CNGB3: variants seen among roughly 807,000 people sequenced by gnomAD.
CNGB3 encodes cyclic nucleotide gated channel subunit beta 3.
Under a neutral mutation model 92.8 loss-of-function variants are expected in CNGB3, and 86 were observed. That is an observed-to-expected ratio of 0.93 (90% CI 0.78 to 1.11). CNGB3 has a LOEUF of 1.11. Ranked by LOEUF, CNGB3 falls within the 50% of genes least tolerant of loss-of-function variation. CNGB3 has a pLI of 0.00. For synonymous variants in CNGB3, 333 were observed against 332.7 expected, an observed-to-expected ratio of 1.00 and a Z score of -0.01; for missense variants, 1,026 against 956.8, an observed-to-expected ratio of 1.07 and a Z score of -0.95.
Position 86,678,707 on chromosome 8 carries a change from T to A in CNGB3, c.339-7609A>T, listed in dbSNP as rs574616489. ...TTCTATTGTCCCAAAAATGTAATGG[T>A]ACCTAACCCTGTTTAAAGTTAGTCA... On this transcript the variant is annotated intron_variant, in intron 3 of 17. Coordinates refer to ENST00000320005, the MANE Select transcript of CNGB3 (RefSeq NM_019098.5). Among the ~76,000 whole-genome samples, 6 of 152,278 alleles carry A rather than the reference T, an allele frequency of 3.9e-5. No homozygotes were observed. The East Asian group carries it at 1.2e-3, about 29-fold the overall frequency.
intron 11 of CNGB3, 79 bp from the exon 12 acceptor site, chr8:86,629,157 G>A: frequency 7.0e-7 from 1 of 1,430,746 alleles, no homozygotes; most frequent in Admixed American, 1.7e-5. Flanking sequence ...TTTTCCACAT[G>A]ATATACTTCC....
At chr8:86,578,370 TAA>T (rs999015215) in intron 17 of CNGB3, among the ~76,000 whole-genome samples, 3 of 152,212 alleles carry the variant, frequency 2.0e-5, no homozygotes, top group African/African-American at 7.2e-5. Context: ...GTATTGATTT[TAA>T]GTTACTAATA....
chr8:86,712,670 A>C (rs1043217495), intron 3 of CNGB3, among the ~76,000 whole-genome samples: 1 of 151,770 alleles, frequency 6.6e-6, no homozygotes, highest in Non-Finnish European at 1.5e-5. Context: ...CACTTTTTAA[A>C]TTATAGAAGT....
intron 15 of CNGB3, among the ~76,000 whole-genome samples, chr8:86,584,493 G>T (rs1821855026): frequency 6.6e-6 from 1 of 152,156 alleles, no homozygotes. Flanking sequence ...AGTGCTTGAT[G>T]AGTTTTTAAA....
intron 15 of CNGB3, among the ~76,000 whole-genome samples, chr8:86,587,652 A>G (rs1351329659): frequency 1.3e-5 from 2 of 151,586 alleles, no homozygotes; most frequent in Non-Finnish European, 2.9e-5. Flanking sequence ...AGTTGTAGAT[A>G]TGCGGCGTTA....
Position 86,654,065 on chromosome 8 carries a change from GAAAGATATTTGTATTTTCA to G in CNGB3, c.853-22_853-4del. The G allele has an allele frequency of 6.4e-7, 1 of 1,574,524 alleles. No homozygotes were observed. The highest frequency in any genetic ancestry group is 8.7e-7 in the Non-Finnish European group (1 of 1,144,404). On this transcript the variant is annotated splice_region_variant and splice_polypyrimidine_tract_variant and intron_variant, in intron 6 of 17. Transcript: ENST00000320005. ...TTCCTTAGCTCATTTGAATCCACCT[GAAAGATATTTGTATTTTCA>G]TTAATTTTAGCCAATTTCATCAATT...
intron 3 of CNGB3, among the ~76,000 whole-genome samples, chr8:86,679,628 C>A (rs1824042075): frequency 1.3e-5 from 2 of 152,156 alleles, no homozygotes; most frequent in South Asian, 2.1e-4. Flanking sequence ...TGGATTCGAG[C>A]AATTCTCCTG....
chr8:86,601,648 G>A (rs1822303860), intron 15 of CNGB3, among the ~76,000 whole-genome samples: 1 of 151,972 alleles, frequency 6.6e-6, no homozygotes, highest in African/African-American at 2.4e-5. Flanking sequence ...TCCAGTATCT[G>A]GATGTTTGGC....
chr8:86,655,994 A>G (rs1823498788), intron 6 of CNGB3, among the ~76,000 whole-genome samples: 1 of 152,214 alleles, frequency 6.6e-6, no homozygotes, highest in Non-Finnish European at 1.5e-5. Context: ...GATCAATGTT[A>G]AAGATTGGTT....
chr8:86,726,608 G>T lies in CNGB3; in HGVS notation c.261C>A (p.Asp87Glu). ...CAGTTGGTTCTGCTGCATTTTGAGG[G>T]TCAGGGTTTGTGGTCAGATCTCCAG... ...NSSGDLTTNP[D>E]PQNAAEPTGT... Residue 87 changes from aspartate to glutamate, a missense_variant, in exon 3 of 18, where the codon GAC becomes GAA. Asp to Glu is a conservative substitution (Grantham distance 45, BLOSUM62 2). Transcript: ENST00000320005. 1 of 1,613,752 alleles carries T rather than the reference G, an allele frequency of 6.2e-7. No homozygotes were observed. Among genetic ancestry groups the T allele is most frequent in the South Asian group, 1.1e-5 (1 of 91,086 alleles).
intron 3 of CNGB3, among the ~76,000 whole-genome samples, chr8:86,699,945 ATC>A (rs1378460202): frequency 6.6e-6 from 1 of 151,524 alleles, no homozygotes; most frequent in African/African-American, 2.4e-5. Flanking sequence ...CTATCATCCA[ATC>A]TCTCTTTCTT....
chr8:86,577,782 G>A (rs1172600524), intron 17 of CNGB3, among the ~76,000 whole-genome samples: 3 of 152,134 alleles, frequency 2.0e-5, no homozygotes, highest in Non-Finnish European at 2.9e-5. Flanking sequence ...GCACTTAGGA[G>A]CACTAGACAG....
chr8:86,678,132 T>G (rs1824011114), intron 3 of CNGB3, among the ~76,000 whole-genome samples: 1 of 152,194 alleles, frequency 6.6e-6, no homozygotes, highest in Non-Finnish European at 1.5e-5. Context: ...CACGTCCTTT[T>G]TCTTTTGCCA....
intron 10 of CNGB3, among the ~76,000 whole-genome samples, chr8:86,641,837 A>G (rs1214936208): frequency 1.3e-5 from 2 of 151,924 alleles, no homozygotes; most frequent in Non-Finnish European, 1.5e-5. Context: ...TATAACAAAT[A>G]ATTATAATAA....
intron 7 of CNGB3, 114 bp from the exon 8 acceptor site, chr8:86,648,001 T>G (rs1823322816): frequency 2.6e-6 from 2 of 770,368 alleles, no homozygotes; most frequent in African/African-American, 3.4e-5. Flanking sequence ...ATTTGTTGTT[T>G]AATCCAAAAC....
intron 6 of CNGB3, chr8:86,659,131 C>T (rs1823578513): frequency 2.8e-6 from 2 of 711,830 alleles, no homozygotes; most frequent in Non-Finnish European, 5.0e-6. Flanking sequence ...GTCTCCAGCT[C>T]CTGTACCCGA....
chr8:86,621,268 A>C (rs905318460), intron 13 of CNGB3, among the ~76,000 whole-genome samples: 1 of 152,178 alleles, frequency 6.6e-6, no homozygotes, highest in Admixed American at 6.5e-5. Context: ...AATATTTTAA[A>C]ACACTGTTAA....
chr8:86,689,549 T>A (rs1586017443), intron 3 of CNGB3, among the ~76,000 whole-genome samples: 1 of 140,780 alleles, frequency 7.1e-6, no homozygotes, highest in East Asian at 1.9e-4. Flanking sequence ...TTTATTTTTT[T>A]ATTTTTATTT....
intron 3 of CNGB3, among the ~76,000 whole-genome samples, chr8:86,717,038 A>G (rs1296243138): frequency 6.6e-6 from 1 of 152,218 alleles, no homozygotes; most frequent in African/African-American, 2.4e-5. Flanking sequence ...TATTCCAGCA[A>G]ATGGACACCA....
Sources: gnomAD v4.1 joint callset for allele counts (sites outside exome capture counted in the v4.1 genomes callset) on GRCh38, gnomAD v4.1.1 for gene constraint, MANE v1.5 for transcripts, NCBI Gene and HGNC (gene_info 2026-07-23, HGNC 2026-07-21) for gene names.